SON: variants seen among roughly 807,000 people sequenced by gnomAD.
SON encodes protein SON.
A neutral mutation model predicts 173.3 loss-of-function variants in SON; 4 were observed. The observed-to-expected ratio is 0.02, with a 90% CI of 0.01 to 0.05. SON has a LOEUF of 0.05. Among genes scored for constraint, SON ranks in the 10% least tolerant of loss-of-function variants. The pLI, the probability that SON is intolerant of heterozygous loss-of-function variation, is 1.00. For synonymous variants in SON, 1,190 were observed against 1,105.9 expected, an observed-to-expected ratio of 1.08 and a Z score of -1.51; for missense variants, 2,626 against 3,055.3, an observed-to-expected ratio of 0.86 and a Z score of 3.31.
At chr21:33,572,581 C>T (rs905371392) in intron 8 of SON, 60 of 1,303,946 alleles carry the variant, frequency 4.6e-5, no homozygotes, top group Non-Finnish European at 5.4e-5. Context: ...CTTCTTGCCC[C>T]GGTCAGTGCC....
chr21:33,557,331 ATTTGTT>A lies in SON; in HGVS notation c.6321+18_6321+23del. The A allele has an allele frequency of 6.2e-7, 1 of 1,612,948 alleles. No homozygotes were observed. Among genetic ancestry groups the A allele is most frequent in the Non-Finnish European group, 8.5e-7 (1 of 1,179,456 alleles). On this transcript the variant is annotated intron_variant, in intron 4 of 11. Transcript: ENST00000356577. ...AACTAACTGAGGTAAGCTAGACAGA[ATTTGTT>A]TTCATTCTTAAATGGATTATTCCAG...
intron 9 of SON, 46 bp downstream of exon 9, chr21:33,573,501 T>G: frequency 2.6e-6 from 4 of 1,528,096 alleles, no homozygotes; most frequent in Non-Finnish European, 3.6e-6. Context: ...TCCTTTAACA[T>G]TACCTTTAAT....
intron 11 of SON, 104 bp downstream of exon 11, chr21:33,575,997 G>T: frequency 1.6e-6 from 1 of 611,892 alleles, no homozygotes; most frequent in Middle Eastern, 4.4e-4. Flanking sequence ...TCATGGGTGG[G>T]GGGTTTGTAT....
chr21:33,543,179 TCC>T lies in SON; in HGVS notation c.77+12_77+13del. On this transcript the variant is annotated intron_variant, in intron 1 of 11. Transcript: ENST00000356577. ...AACAGGAGCTTTCCAGGTAAACGCC[TCC>T]CAGATTCTTCTGCTCCCAACGGACC... The T allele has an allele frequency of 6.2e-7, 1 of 1,610,430 alleles. No homozygotes were observed.
intron 6 of SON, among the ~76,000 whole-genome samples, chr21:33,565,391 A>G (rs1388391275): frequency 3.3e-5 from 5 of 152,172 alleles, no homozygotes; most frequent in Admixed American, 2.0e-4. Flanking sequence ...CTGCTAGGAA[A>G]AGCAAAGTAA....
At chr21:33,548,554 G>A (rs754644089) in intron 2 of SON, among the ~76,000 whole-genome samples, 1 of 152,158 alleles carries the variant, frequency 6.6e-6, no homozygotes, top group Non-Finnish European at 1.5e-5. Flanking sequence ...ACTAACCTTT[G>A]TTGAAAGCTT....
Position 33,554,975 on chromosome 21 carries a change from G to A in SON, c.5744G>A (p.Arg1915Gln), listed in dbSNP as rs773921148. 2.5e-6 allele frequency: 4 copies of A among 1,613,798 alleles called. No homozygotes were observed. Among genetic ancestry groups the A allele is most frequent in the Non-Finnish European group, 2.5e-6 (3 of 1,179,988 alleles). Residue 1915 changes from arginine to glutamine, a missense_variant, in exon 3 of 12, where the codon CGA becomes CAA. By Grantham distance (43) the Arg-to-Gln change is conservative. Coordinates refer to ENST00000356577, the MANE Select transcript of SON (RefSeq NM_138927.4). ...AAAAGATCAAGCTCCAGGGATAACCGAAAGACAGTTAGAGCTCGAAGTCGA... is the reference window on the plus strand; with the variant it reads ...AAAAGATCAAGCTCCAGGGATAACCAAAAGACAGTTAGAGCTCGAAGTCGA... Reference protein sequence around the residue: ...KRKRSSSRDNRKTVRARSRTP... With the variant: ...KRKRSSSRDNQKTVRARSRTP...
At position 33,559,611 on chromosome 21, in the gene SON, C is replaced by T. The variant is rs2086032717; in HGVS notation, c.6493C>T (p.Pro2165Ser). The T allele has an allele frequency of 6.2e-7, 1 of 1,610,540 alleles. No homozygotes were observed. The highest frequency in any genetic ancestry group is 8.5e-7 in the Non-Finnish European group (1 of 1,179,082). Reference protein sequence around the residue: ...LNIAAAKPTPPKSQVTLTKEF... With the variant: ...LNIAAAKPTPSKSQVTLTKEF... Reference sequence around the variant, plus strand: ...GATTGCTGCAGCAAAACCAACTCCACCAAAAAGCCAGGTAACATTAACAAA... The same window carrying T: ...GATTGCTGCAGCAAAACCAACTCCATCAAAAAGCCAGGTAACATTAACAAA... Residue 2165 changes from proline to serine, a missense_variant, in exon 6 of 12, where the codon CCA becomes TCA. Physicochemically the swap from Pro to Ser is moderately conservative, Grantham distance 74. Around this residue, in one of 13 missense-constraint regions of SON, gnomAD observed 75 missense variants for 201.6 expected, o/e 0.37. Transcript: ENST00000356577. The surrounding 1 kb of genome is among the most constrained non-coding windows in gnomAD (Gnocchi z 4.1).
intron 8 of SON, 181 bp downstream of exon 8, chr21:33,569,268 G>A (rs1404964077): frequency 1.8e-6 from 1 of 543,724 alleles, no homozygotes; most frequent in Non-Finnish European, 3.3e-6. Context: ...AATGGCAAAT[G>A]TATAAATGTG....
intron 1 of SON, among the ~76,000 whole-genome samples, chr21:33,544,307 T>C (rs7279549): frequency 0.7 from 106,261 of 152,056 alleles, 37,154 homozygotes; most frequent in African/African-American, 0.75. Context: ...TTTTAAATTT[T>C]TGTGATATTG....
chr21:33,544,027 A>G (rs955478032), intron 1 of SON, among the ~76,000 whole-genome samples: 1 of 152,194 alleles, frequency 6.6e-6, no homozygotes, highest in African/African-American at 2.4e-5. Flanking sequence ...TTGTCTCTCG[A>G]TATTTGCTTT....
chr21:33,557,372 C>T, intron 4 of SON, 56 bp downstream of exon 4: 1 of 1,596,430 alleles, frequency 6.3e-7, no homozygotes, highest in Non-Finnish European at 8.6e-7. Flanking sequence ...GTGATGTTGA[C>T]TCTGGAGCGT....
At chr21:33,543,209 T>C (rs1463316483) in intron 1 of SON, 40 bp downstream of exon 1, 13 of 1,543,716 alleles carry the variant, frequency 8.4e-6, no homozygotes, top group Non-Finnish European at 1.1e-5. Context: ...AACGGACCGT[T>C]AGGCCCTCAC....
rs1023531131 is a variant in SON at position 33,577,420 on chromosome 21, C to G, written c.*996C>G. 1 of 152,436 alleles carries G rather than the reference C, an allele frequency of 6.6e-6. No individual in the cohort carries two copies. Among genetic ancestry groups the G allele is most frequent in the African/African-American group, 2.4e-5 (1 of 41,368 alleles). 9.4% of individuals were successfully genotyped at this position (152,436 alleles called of 1,614,324 possible). A position where few individuals can be genotyped will look rare whatever the true frequency, so the allele number is the denominator to read the frequency against. ...TGTGTATTACAGTGGTATTCATATG[C>G]TATGTCTCTAAACTTTATTTTCAAA... On this transcript the variant is annotated 3_prime_UTR_variant, in exon 12 of 12. Transcript: ENST00000356577.
At chr21:33,569,519 C>A in intron 8 of SON, 1 of 385,032 alleles carries the variant, frequency 2.6e-6, no homozygotes, top group Non-Finnish European at 5.3e-6. Flanking sequence ...AGCCCTCTAC[C>A]ACCTTAATTT....
intron 8 of SON, chr21:33,571,796 A>G (rs1436907528): frequency 6.6e-6 from 1 of 152,648 alleles, no homozygotes; most frequent in Non-Finnish European, 1.5e-5. Flanking sequence ...GAAGTAAGTA[A>G]AAGACATTCT....
intron 2 of SON, among the ~76,000 whole-genome samples, chr21:33,547,516 T>C (rs2085647164): frequency 6.6e-6 from 1 of 152,062 alleles, no homozygotes; most frequent in Admixed American, 6.6e-5. Context: ...TTTGTCCTCT[T>C]TTTTGGGGGG....
chr21:33,564,836 G>A (rs1166899634), intron 6 of SON, among the ~76,000 whole-genome samples: 1 of 147,748 alleles, frequency 6.8e-6, no homozygotes, highest in African/African-American at 2.5e-5. Context: ...ACTCCAGCTT[G>A]GGCAATAAGG....
intron 3 of SON, among the ~76,000 whole-genome samples, chr21:33,556,131 A>G (rs1569060204): frequency 1.3e-5 from 2 of 152,212 alleles, no homozygotes; most frequent in African/African-American, 4.8e-5. Flanking sequence ...AGGATTGTCT[A>G]AAGAAGAAGA....
Sources: allele counts gnomAD v4.1 joint callset (sites outside exome capture counted in the v4.1 genomes callset), GRCh38; gene constraint gnomAD v4.1.1; regional missense constraint gnomAD v4.1.1; non-coding constraint Gnocchi (gnomAD v3.1); transcripts MANE v1.5; gene names NCBI Gene and HGNC (gene_info 2026-07-23, HGNC 2026-07-21).